TPTE2: variants seen among roughly 807,000 people sequenced by gnomAD.
TPTE2 encodes the protein phosphatidylinositol 3,4,5-trisphosphate 3-phosphatase TPTE2.
A neutral mutation model predicts 78.6 loss-of-function variants in TPTE2; 53 were observed. The observed-to-expected ratio is 0.67, with a 90% CI of 0.54 to 0.85. The LOEUF (loss-of-function observed/expected upper bound fraction) is 0.85. Among genes scored for constraint, TPTE2 ranks in the 40% least tolerant of loss-of-function variants. The probability of loss-of-function intolerance (pLI) is 0.00; values close to 1 mark genes in which losing one functional copy is unlikely to be tolerated. For synonymous variants in TPTE2, 175 were observed against 206.2 expected (o/e 0.85, Z 1.30); for missense variants, 461 against 623.0 (o/e 0.74, Z 2.77).
At chr13:19,505,302 G>A (rs980144023), upstream of TPTE2, among the ~76,000 whole-genome samples, 1 of 151,974 alleles carries the variant, frequency 6.6e-6, no homozygotes, top group Non-Finnish European at 1.5e-5. Flanking sequence ...CACCACACCT[G>A]GCGAATTTTT....
chr13:19,489,724 A>G (rs1030433069), intron 3 of TPTE2, among the ~76,000 whole-genome samples: 1 of 143,884 alleles, frequency 7.0e-6, no homozygotes. Flanking sequence ...ATATATCTGT[A>G]TATATATATA....
At chr13:19,500,034 A>C (rs1881662791) in intron 1 of TPTE2, among the ~76,000 whole-genome samples, 1 of 149,826 alleles carries the variant, frequency 6.7e-6, no homozygotes, top group South Asian at 2.1e-4. Context: ...CTACGCAAAT[A>C]AACTAGAAAA....
At chr13:19,549,083 G>A in the TPTE2 span, among the ~76,000 whole-genome samples, 1 of 147,984 alleles carries the variant, frequency 6.8e-6, no homozygotes, top group Non-Finnish European at 1.5e-5. Flanking sequence ...TTGCCCCACT[G>A]TGCTCCCCTC....
At chr13:19,547,853 C>T in the TPTE2 span, among the ~76,000 whole-genome samples, 2 of 150,418 alleles carry the variant, frequency 1.3e-5, no homozygotes, top group African/African-American at 4.9e-5. Flanking sequence ...ATCAAACTAT[C>T]GACAACGGTT....
At chr13:19,497,115 G>A (rs746861888) in intron 1 of TPTE2, among the ~76,000 whole-genome samples, 10 of 152,066 alleles carry the variant, frequency 6.6e-5, no homozygotes, top group African/African-American at 9.7e-5. Context: ...GGTGCACCGC[G>A]AGATTATATC....
intron 7 of TPTE2, among the ~76,000 whole-genome samples, chr13:19,465,870 T>A (rs1245979092): frequency 4.6e-5 from 7 of 152,208 alleles, no homozygotes; most frequent in Non-Finnish European, 1.0e-4. Context: ...AAAATGTTGG[T>A]AATGCTGAGG....
chr13:19,473,820 T>A, intron 6 of TPTE2, 94 bp downstream of exon 9: 1 of 1,144,276 alleles, frequency 8.7e-7, no homozygotes, highest in South Asian at 1.9e-5. Flanking sequence ...TGTGTCGAAC[T>A]CCTGACCTTG....
upstream of TPTE2, among the ~76,000 whole-genome samples, chr13:19,506,257 C>T (rs1269010593): frequency 7.7e-6 from 1 of 130,188 alleles, no homozygotes; most frequent in Admixed American, 8.9e-5. Context: ...CTGCAAGCTC[C>T]ACCTCCCAGG....
rs373420042 is a variant in TPTE2 at position 19,535,105 on chromosome 13, G to A, written c.-44+1491C>T. On this transcript the variant is annotated intron_variant, in intron 1 of 17. Coordinates refer to the TPTE2 transcript ENST00000390680. The surrounding 1 kb of genome is among the most constrained non-coding windows in gnomAD (Gnocchi z 5.1). ...TGCAGTCCCAGCTACTCAGGAGGCTGAGGCAGGAGAATCACTGGAACCCAG... is the reference window on the plus strand; with the variant it reads ...TGCAGTCCCAGCTACTCAGGAGGCTAAGGCAGGAGAATCACTGGAACCCAG... Among the ~76,000 whole-genome samples, 267 of 152,210 alleles carry A rather than the reference G, an allele frequency of 1.8e-3. No individual in the cohort carries two copies. Among genetic ancestry groups the A allele is most frequent in the African/African-American group, 6.2e-3 (256 of 41,538 alleles).
chr13:19,472,198 G>A (rs563196912), intron 6 of TPTE2, among the ~76,000 whole-genome samples: 2 of 152,054 alleles, frequency 1.3e-5, no homozygotes, highest in South Asian at 4.2e-4. Context: ...CTTGTACTTG[G>A]ATATTGATAT....
intron 13 of TPTE2, among the ~76,000 whole-genome samples, chr13:19,441,115 A>G (rs1877466190): frequency 6.6e-6 from 1 of 152,100 alleles, no homozygotes; most frequent in Non-Finnish European, 1.5e-5. Flanking sequence ...TTTCCTTTGC[A>G]GCATCACGGA....
exon 19 of TPTE2, chr13:19,424,976 C>G (rs1456557116): frequency 1.3e-6 from 2 of 1,542,888 alleles, no homozygotes; most frequent in African/African-American, 1.4e-5. Flanking sequence ...ACGTGTTGAA[C>G]CAGAAGAAAA....
At chr13:19,496,762 GTCCTTTAAGA>G (rs1881338391) in intron 1 of TPTE2, among the ~76,000 whole-genome samples, 1 of 152,132 alleles carries the variant, frequency 6.6e-6, no homozygotes, top group African/African-American at 2.4e-5. Flanking sequence ...GGAAATCTGA[GTCCTTTAAGA>G]AGCTGCGAAA....
intron 1 of TPTE2, among the ~76,000 whole-genome samples, chr13:19,522,935 A>C (rs1870260909): frequency 6.6e-6 from 1 of 151,830 alleles, no homozygotes; most frequent in African/African-American, 2.4e-5. Flanking sequence ...CTTTGTTTAC[A>C]TTTTTTGTTA....
intron 13 of TPTE2, among the ~76,000 whole-genome samples, chr13:19,445,772 T>A (rs1877785616): frequency 6.6e-6 from 1 of 152,126 alleles, no homozygotes; most frequent in African/African-American, 2.4e-5. Flanking sequence ...CAAAACCCCA[T>A]CTCTACTAAA....
chr13:19,464,518 G>T, exon 10 of TPTE2: 1 of 1,611,950 alleles, frequency 6.2e-7, no homozygotes, highest in Non-Finnish European at 8.5e-7. Context: ...GCAATAATAC[G>T]TTCTGAAAGT....
At chr13:19,489,061 A>T (rs1422846608) in intron 3 of TPTE2, among the ~76,000 whole-genome samples, 1 of 152,090 alleles carries the variant, frequency 6.6e-6, no homozygotes, top group Non-Finnish European at 1.5e-5. Flanking sequence ...AAGGAGAAAG[A>T]TGGGGGAATG....
chr13:19,500,683 C>T (rs1331271380), intron 1 of TPTE2, among the ~76,000 whole-genome samples: 8 of 151,448 alleles, frequency 5.3e-5, no homozygotes, highest in Non-Finnish European at 1.2e-4. Flanking sequence ...GACAAACCCA[C>T]AGCCAATATC....
chr13:19,561,375 C>G, the TPTE2 span: 2 of 471,534 alleles, frequency 4.2e-6, no homozygotes. Flanking sequence ...AATATTCCCG[C>G]TGTCGCAGAC....
Sources: allele counts gnomAD v4.1 joint callset (sites outside exome capture counted in the v4.1 genomes callset), GRCh38; gene constraint gnomAD v4.1.1; non-coding constraint Gnocchi (gnomAD v3.1); transcripts MANE v1.5; gene names NCBI Gene and HGNC (gene_info 2026-07-23, HGNC 2026-07-21).